EIF3E: variants seen among roughly 807,000 people sequenced by gnomAD.
EIF3E encodes the protein eukaryotic translation initiation factor 3 subunit E.
EIF3E carries 25 observed loss-of-function variants against 59.3 expected under a neutral mutation model. That is an observed-to-expected ratio of 0.42 (90% CI 0.31 to 0.59). The LOEUF (loss-of-function observed/expected upper bound fraction) is 0.59, where lower values mean the gene tolerates loss of function less well. Ranked by LOEUF, EIF3E falls within the 20% of genes least tolerant of loss-of-function variation. The pLI, the probability that EIF3E is intolerant of heterozygous loss-of-function variation, is 0.15. For missense variants in EIF3E, 317 were observed against 534.3 expected, an observed-to-expected ratio of 0.59 and a Z score of 4.01; for synonymous variants, 176 against 170.2, an observed-to-expected ratio of 1.03 and a Z score of -0.26.
At chr8:108,226,081 T>C (rs748383227) in intron 7 of EIF3E, 2 of 152,204 alleles carry the variant, frequency 1.3e-5, no homozygotes, top group Non-Finnish European at 2.9e-5. Flanking sequence ...GTTTCATTAT[T>C]CATTGTTTTG....
intron 5 of EIF3E, among the ~76,000 whole-genome samples, chr8:108,232,111 C>G (rs1243887477): frequency 6.6e-6 from 1 of 152,104 alleles, no homozygotes; most frequent in Non-Finnish European, 1.5e-5. Context: ...CAAATCCAAA[C>G]AAGATTTTTA....
intron 1 of EIF3E, among the ~76,000 whole-genome samples, chr8:108,247,479 T>C (rs1405131462): frequency 2.6e-5 from 4 of 152,224 alleles, no homozygotes; most frequent in African/African-American, 9.6e-5. Context: ...AAGACATTCT[T>C]GGACATTTAC....
chr8:108,238,295 G>C (rs1349154907), intron 3 of EIF3E, among the ~76,000 whole-genome samples: 1 of 152,044 alleles, frequency 6.6e-6, no homozygotes, highest in Non-Finnish European at 1.5e-5. Context: ...GTCATCCCTT[G>C]GTATCCCCAG....
intron 10 of EIF3E, among the ~76,000 whole-genome samples, chr8:108,211,685 C>T (rs1815213325): frequency 1.3e-5 from 2 of 152,112 alleles, no homozygotes. Context: ...CTTTAGCAGG[C>T]TGTAATTACA....
Position 108,203,200 on chromosome 8 carries a change from C to A in EIF3E, c.1165-83G>T, listed in dbSNP as rs566115015. ...AAGTAAAAAGCATGACATACCTTTG[C>A]GCATATTTTAATGCACTGTATAGAG... is the stretch of plus-strand genomic sequence containing the variant. On this transcript the variant is annotated intron_variant, in intron 11 of 12. Transcript: ENST00000220849. The A allele has an allele frequency of 6.0e-6, 9 of 1,504,906 alleles. 1 individual carries two copies. The East Asian group carries it at 1.4e-4, about 23-fold the overall frequency. 93.2% of individuals were successfully genotyped at this position (1,504,906 alleles called of 1,614,324 possible). A position where few individuals can be genotyped will look rare whatever the true frequency, so the allele number is the denominator to read the frequency against.
At chr8:108,248,309 G>T (rs1563640497) in intron 1 of EIF3E, among the ~76,000 whole-genome samples, 1 of 152,072 alleles carries the variant, frequency 6.6e-6, no homozygotes, top group East Asian at 1.9e-4. Flanking sequence ...GTTCTCTAGC[G>T]AAACCAGCGA....
chr8:108,228,123 A>T, intron 7 of EIF3E, 144 bp downstream of exon 7: 1 of 878,462 alleles, frequency 1.1e-6, no homozygotes, highest in Non-Finnish European at 1.7e-6. Context: ...CATACTTTTC[A>T]GTAACAAGCA....
intron 7 of EIF3E, among the ~76,000 whole-genome samples, chr8:108,222,336 T>C (rs1051196060): frequency 1.3e-5 from 2 of 152,202 alleles, no homozygotes; most frequent in Admixed American, 6.5e-5. Context: ...GGAGCTACCA[T>C]GCCCAGCCAG....
rs188016028 is a variant in EIF3E, at chr8:108,221,140, A to C, written c.723-3680T>G. On this transcript the variant is annotated intron_variant, in intron 7 of 12. Coordinates refer to ENST00000220849, the MANE Select transcript of EIF3E (RefSeq NM_001568.3). The stretch of plus-strand genomic sequence containing the variant: ...AGAAAGAAAAGGAAAGAAAGAAAAG[A>C]AAAGAACCCCTCAGACACTTAACTG... 7.9e-5 allele frequency among the ~76,000 whole-genome samples: 12 copies of C among 152,256 alleles called. No individual in the cohort carries two copies. In the East Asian group the frequency reaches 2.3e-3, roughly 29 times the overall value.
At chr8:108,236,632 T>C (rs1815735204) in intron 3 of EIF3E, among the ~76,000 whole-genome samples, 1 of 152,234 alleles carries the variant, frequency 6.6e-6, no homozygotes, top group Admixed American at 6.5e-5. Context: ...ATGTACCATG[T>C]ACAAACTAGA....
chr8:108,213,632 T>A (rs1343753922), intron 10 of EIF3E, among the ~76,000 whole-genome samples: 1 of 152,210 alleles, frequency 6.6e-6, no homozygotes, highest in Non-Finnish European at 1.5e-5. Flanking sequence ...GTTACTACTA[T>A]CCACCGGAGC....
intron 10 of EIF3E, among the ~76,000 whole-genome samples, chr8:108,205,188 A>C (rs1815077155): frequency 6.6e-6 from 1 of 152,152 alleles, no homozygotes; most frequent in Non-Finnish European, 1.5e-5. Context: ...GTGCTTTCAT[A>C]GCACCTATTT....
At chr8:108,235,365 T>A (rs1815707693) in intron 4 of EIF3E, among the ~76,000 whole-genome samples, 1 of 152,218 alleles carries the variant, frequency 6.6e-6, no homozygotes, top group Non-Finnish European at 1.5e-5. Flanking sequence ...CAGGATGAAC[T>A]GTTCCACCTC....
chr8:108,236,355 CAT>C (rs1216393401), intron 3 of EIF3E, 152 bp from the exon 4 acceptor site: 1 of 588,868 alleles, frequency 1.7e-6, no homozygotes, highest in Non-Finnish European at 3.0e-6. Context: ...CAGGACATTA[CAT>C]GTTTTGAATA....
rs139898395 is a variant in EIF3E, at chr8:108,218,455, T to TA, written c.723-996dup. Reference sequence around the variant, plus strand: ...TTATAGATTCCCACAAAATGTTGTTTAAACTCTTTAGAGGACCCTAGAATT... The same window carrying TA: ...TTATAGATTCCCACAAAATGTTGTTTAAAACTCTTTAGAGGACCCTAGAATT... On this transcript the variant is annotated intron_variant, in intron 7 of 12. Transcript: ENST00000220849. Among the ~76,000 whole-genome samples, 1,337 of 152,308 alleles carry TA rather than the reference T, an allele frequency of 8.8e-3. 35 individuals carry two copies. The highest frequency in any genetic ancestry group is 0.031 in the African/African-American group (1,274 of 41,552).
intron 5 of EIF3E, 38 bp downstream of exon 5, chr8:108,234,960 C>CA (rs3075616): frequency 0.023 from 20,129 of 870,150 alleles, 24 homozygotes; most frequent in East Asian, 0.081. Context: ...CTACAAAAGA[C>CA]AAAAAAAAAA....
intron 10 of EIF3E, among the ~76,000 whole-genome samples, chr8:108,207,236 C>G (rs911100304): frequency 5.3e-5 from 8 of 151,902 alleles, no homozygotes; most frequent in African/African-American, 7.3e-5. Context: ...TTTGGGAGGC[C>G]GAGGCAGGAG....
intron 10 of EIF3E, among the ~76,000 whole-genome samples, chr8:108,209,694 T>C (rs1815171631): frequency 6.6e-6 from 1 of 152,170 alleles, no homozygotes; most frequent in Non-Finnish European, 1.5e-5. Flanking sequence ...ACCATAATCA[T>C]GATACATAGC....
intron 1 of EIF3E, 25 bp from the exon 2 acceptor site, chr8:108,241,938 T>C: frequency 6.8e-7 from 1 of 1,473,208 alleles, no homozygotes; most frequent in Non-Finnish European, 9.3e-7. Flanking sequence ...AACTTTCTAA[T>C]GAATATATTT....
Sources: allele counts gnomAD v4.1 joint callset (sites outside exome capture counted in the v4.1 genomes callset), GRCh38; gene constraint gnomAD v4.1.1; transcripts MANE v1.5; gene names NCBI Gene and HGNC (gene_info 2026-07-23, HGNC 2026-07-21).